The following P2RY8 variants were observed in gnomAD, a reference collection of about 807,000 sequenced individuals.
P2RY8 encodes P2Y receptor family member 8, also known as S-geranylgeranyl-glutathione receptor P2RY8.
In P2RY8, 6 loss-of-function variants were observed where a neutral mutation model predicts 10.0. The observed-to-expected ratio is 0.60, with a 90% CI of 0.33 to 1.19. The LOEUF (loss-of-function observed/expected upper bound fraction) is 1.19, where lower values mean the gene tolerates loss of function less well. Among genes scored for constraint, P2RY8 ranks in the 50% most tolerant of loss-of-function variants. The pLI, the probability that P2RY8 is intolerant of heterozygous loss-of-function variation, is 0.04. For missense variants in P2RY8, 456 were observed against 542.0 expected (o/e 0.84, Z 1.58); for synonymous variants, 276 against 252.5 (o/e 1.09, Z -0.88).
At chrX:1,487,102 T>A (rs2091993492) in intron 1 of P2RY8, among the ~76,000 whole-genome samples, 1 of 152,178 alleles carries the variant, frequency 6.6e-6, no homozygotes, top group Non-Finnish European at 1.5e-5. Context: ...TATGGCTGAT[T>A]TGAGCTTGGC....
At chrX:1,507,311 G>A (rs1237916711) in intron 1 of P2RY8, among the ~76,000 whole-genome samples, 2 of 152,158 alleles carry the variant, frequency 1.3e-5, no homozygotes, top group East Asian at 3.9e-4. Flanking sequence ...TTCACCGGAC[G>A]AGATGAGACC....
At chrX:1,484,744 AAAAAGAAG>A (rs1483108117) in intron 1 of P2RY8, among the ~76,000 whole-genome samples, 12 of 134,786 alleles carry the variant, frequency 8.9e-5, no homozygotes, top group African/African-American at 2.3e-4. Context: ...AAAAAAAAAA[AAAAAGAAG>A]AAGAAGAAGA....
At chrX:1,485,263 G>C (rs2091976373) in intron 1 of P2RY8, among the ~76,000 whole-genome samples, 1 of 151,808 alleles carries the variant, frequency 6.6e-6, no homozygotes, top group Admixed American at 6.6e-5. Context: ...TCAGCCTCCC[G>C]AGTAGCTGGA....
intron 1 of P2RY8, among the ~76,000 whole-genome samples, chrX:1,517,272 T>C (rs181673574): frequency 0.033 from 5,017 of 151,964 alleles, 294 homozygotes; most frequent in African/African-American, 0.12. Flanking sequence ...GACGACCCCG[T>C]GAGGACACAG....
Position 1,484,743 on chromosome X carries a change from AAAAAAGAAGAAG to A in P2RY8, c.-24-18173_-24-18162del, listed in dbSNP as rs1265539689. 2.7e-4 allele frequency among the ~76,000 whole-genome samples: 37 copies of A among 135,672 alleles called. No individual in the cohort carries two copies. The Middle Eastern group carries it at 0.014, about 53-fold the overall frequency. 89.0% of individuals were successfully genotyped at this position (135,672 alleles called of 152,430 possible). On this transcript the variant is annotated intron_variant, in intron 1 of 1. Transcript: ENST00000381297. ...ACCCTGTAAAAAAAAAAAAAAAAAA[AAAAAAGAAGAAG>A]AAGAAGAAGAAGCGGCAGCTGGGGA...
chrX:1,531,992 C>T (rs2092478968), intron 1 of P2RY8, among the ~76,000 whole-genome samples: 1 of 152,098 alleles, frequency 6.6e-6, no homozygotes, highest in Non-Finnish European at 1.5e-5. Context: ...CTATAGAAGA[C>T]AGTGTGGAGA....
chrX:1,477,874 T>A (rs1322087036), intron 1 of P2RY8, among the ~76,000 whole-genome samples: 1 of 152,166 alleles, frequency 6.6e-6, no homozygotes, highest in Non-Finnish European at 1.5e-5. Context: ...CCCAGGCAGA[T>A]GTTCCTAGCA....
intron 1 of P2RY8, among the ~76,000 whole-genome samples, chrX:1,524,920 T>TCCATCCAC (rs1556686172): frequency 6.7e-6 from 1 of 148,642 alleles, no homozygotes. Flanking sequence ...CATCCATCCA[T>TCCATCCAC]CCACCCACCC....
At chrX:1,506,924 C>A (rs1276685753) in intron 1 of P2RY8, among the ~76,000 whole-genome samples, 28 of 135,932 alleles carry the variant, frequency 2.1e-4, no homozygotes, top group Non-Finnish European at 4.4e-4. Flanking sequence ...GATCCGCCCA[C>A]CTAGGCCTCC....
intron 1 of P2RY8, among the ~76,000 whole-genome samples, chrX:1,470,770 C>T (rs1318569382): frequency 1.3e-5 from 2 of 151,932 alleles, no homozygotes; most frequent in African/African-American, 4.8e-5. Flanking sequence ...GCATAATAGT[C>T]TACTGTGTGG....
At chrX:1,496,145 C>T (rs1445824992) in intron 1 of P2RY8, among the ~76,000 whole-genome samples, 8 of 152,144 alleles carry the variant, frequency 5.3e-5, no homozygotes, top group Admixed American at 2.6e-4. Flanking sequence ...AGAAGGCAGA[C>T]GTCAGAGATG....
At chrX:1,466,609 C>T in intron 1 of P2RY8, 27 bp from the exon 2 acceptor site, 5 of 1,562,144 alleles carry the variant, frequency 3.2e-6, no homozygotes, top group South Asian at 2.4e-5. Context: ...GAAGGGTGTA[C>T]GGGTCAGGGG....
intron 1 of P2RY8, among the ~76,000 whole-genome samples, chrX:1,515,496 C>G (rs1215149421): frequency 6.6e-6 from 1 of 151,552 alleles, no homozygotes; most frequent in African/African-American, 2.4e-5. Context: ...CTCAGCTTCC[C>G]GAGTAGCTGG....
intron 1 of P2RY8, among the ~76,000 whole-genome samples, chrX:1,530,157 G>GATCTATCT (rs1179030530): frequency 9.2e-4 from 39 of 42,556 alleles, no homozygotes; most frequent in African/African-American, 1.9e-3. Flanking sequence ...ATGTATGTAT[G>GATCTATCT]ATCTATCTAT....
intron 1 of P2RY8, among the ~76,000 whole-genome samples, chrX:1,505,784 C>T (rs1358469452): frequency 3.3e-5 from 5 of 151,886 alleles, no homozygotes; most frequent in African/African-American, 9.7e-5. Flanking sequence ...AGCAAGACTG[C>T]GTCTCAAAAA....
rs867958345 is a variant in P2RY8 at position 1,514,863 on chromosome X, C to T, written c.-25+22058G>A. On this transcript the variant is annotated intron_variant, in intron 1 of 1. Coordinates refer to ENST00000381297, the MANE Select transcript of P2RY8 (RefSeq NM_178129.5). ...CCTTTCCCTTTCCCTCCCCCTCCCC[C>T]TCCCCTTCCCCTGTCTTCCTCTCCC... is the stretch of plus-strand genomic sequence containing the variant. 3.3e-3 allele frequency among the ~76,000 whole-genome samples: 109 copies of T among 33,070 alleles called. 8 individuals carry two copies. Among genetic ancestry groups the T allele is most frequent in the African/African-American group, 9.7e-3 (100 of 10,328 alleles). The allele number at this position is 33,070 out of a possible 152,430, so 21.7% of individuals were successfully genotyped here.
chrX:1,466,645 A>T (rs1202937553), intron 1 of P2RY8, 63 bp from the exon 2 acceptor site: 1 of 1,475,976 alleles, frequency 6.8e-7, no homozygotes, highest in African/African-American at 1.4e-5. Context: ...GGCTGCCGGG[A>T]GGGCTCCTGA....
chrX:1,516,337 G>T (rs748551553), intron 1 of P2RY8, among the ~76,000 whole-genome samples: 3 of 152,194 alleles, frequency 2.0e-5, no homozygotes, highest in African/African-American at 7.2e-5. Context: ...ACCCTGTGGG[G>T]ACACAGGGAG....
At position 1,463,730 on chromosome X, in the gene P2RY8, T is replaced by C. The variant is rs1291644487; in HGVS notation, c.*1749A>G. On this transcript the variant is annotated 3_prime_UTR_variant, in exon 2 of 2. Coordinates refer to ENST00000381297, the MANE Select transcript of P2RY8 (RefSeq NM_178129.5). ...AGAGACTCTAGGGGAGGGTCCTTCC[T>C]GCCTCTCCCAGCTCCTGGGGACTCC... 1 of 232,864 alleles carries C rather than the reference T, an allele frequency of 4.3e-6. No individual in the cohort carries two copies. The highest frequency in any genetic ancestry group is 2.2e-5 in the African/African-American group (1 of 45,266). 14.4% of individuals were successfully genotyped at this position (232,864 alleles called of 1,614,324 possible).
Sources: allele counts gnomAD v4.1 joint callset (sites outside exome capture counted in the v4.1 genomes callset), GRCh38; gene constraint gnomAD v4.1.1; transcripts MANE v1.5; gene names NCBI Gene and HGNC (gene_info 2026-07-23, HGNC 2026-07-21).